TMEM178B: variants seen among roughly 807,000 people sequenced by gnomAD.
TMEM178B encodes the protein transmembrane protein 178B.
TMEM178B carries 5 observed loss-of-function variants against 31.0 expected under a neutral mutation model. The observed-to-expected ratio is 0.16, with a 90% CI of 0.08 to 0.34. TMEM178B has a LOEUF of 0.34. Ranked by LOEUF, TMEM178B falls within the 10% of genes least tolerant of loss-of-function variation. The pLI is 1.00. For synonymous variants in TMEM178B, 164 were observed against 164.0 expected, an observed-to-expected ratio of 1.00 and a Z score of 0.00; for missense variants, 275 against 400.3, an observed-to-expected ratio of 0.69 and a Z score of 2.67.
At chr7:141,295,136 C>T (rs887876731) in intron 2 of TMEM178B, among the ~76,000 whole-genome samples, 3 of 152,178 alleles carry the variant, frequency 2.0e-5, no homozygotes, top group Non-Finnish European at 4.4e-5. Flanking sequence ...TGAAATATGA[C>T]AGATGTCTGC....
chr7:141,312,118 A>G lies in TMEM178B; in HGVS notation c.496+99414A>G, dbSNP rs181897521. On this transcript the variant is annotated intron_variant, in intron 2 of 3. Transcript: ENST00000565468. ...ATTCTCACATTTCCCATTACCTCCCATATGCTGTGGACTCCACTCCTTAAT... is the reference window on the plus strand; with the variant it reads ...ATTCTCACATTTCCCATTACCTCCCGTATGCTGTGGACTCCACTCCTTAAT... Among the ~76,000 whole-genome samples, 133 of 152,294 alleles carry G rather than the reference A, an allele frequency of 8.7e-4. 1 individual carries two copies. In the Middle Eastern group the frequency reaches 0.01, roughly 12 times the overall value.
At position 141,476,372 on chromosome 7, in the gene TMEM178B, A is replaced by G. The variant is rs1442015870; in HGVS notation, c.*5586A>G. On this transcript the variant is annotated 3_prime_UTR_variant, in exon 4 of 4. Coordinates refer to ENST00000565468, the MANE Select transcript of TMEM178B (RefSeq NM_001195278.2). Reference sequence around the variant, plus strand: ...AGAGGTGACAGAATGAGTAAACCATATGGGGCAAATAGCATATATGAGCTA... The same window carrying G: ...AGAGGTGACAGAATGAGTAAACCATGTGGGGCAAATAGCATATATGAGCTA... The G allele has an allele frequency of 1.3e-5, 2 of 152,136 alleles. No homozygotes were observed. Among genetic ancestry groups the G allele is most frequent in the African/African-American group, 4.8e-5 (2 of 41,436 alleles). The allele number at this position is 152,136 out of a possible 1,614,324, so 9.4% of individuals were successfully genotyped here.
At chr7:141,451,080 T>C (rs1801853993) in intron 3 of TMEM178B, among the ~76,000 whole-genome samples, 1 of 151,998 alleles carries the variant, frequency 6.6e-6, no homozygotes. Context: ...CAGGCAGATG[T>C]TATTTGGGGT....
chr7:141,288,748 C>G (rs980318393), intron 2 of TMEM178B, among the ~76,000 whole-genome samples: 2 of 152,218 alleles, frequency 1.3e-5, no homozygotes, highest in Non-Finnish European at 2.9e-5. Flanking sequence ...GCAGCGAATA[C>G]CAGGCTCTAC....
At chr7:141,459,452 A>G (rs1455545739) in intron 3 of TMEM178B, among the ~76,000 whole-genome samples, 1 of 152,214 alleles carries the variant, frequency 6.6e-6, no homozygotes, top group Non-Finnish European at 1.5e-5. Context: ...TTCTTGAGAA[A>G]TTCACAGGCT....
intron 2 of TMEM178B, among the ~76,000 whole-genome samples, chr7:141,424,487 C>A (rs1220971465): frequency 1.3e-5 from 2 of 152,188 alleles, no homozygotes; most frequent in Non-Finnish European, 2.9e-5. Flanking sequence ...TTATGAGACG[C>A]AATCGGTGGC....
chr7:141,352,682 G>C (rs1799754808), intron 2 of TMEM178B: 1 of 152,724 alleles, frequency 6.5e-6, no homozygotes, highest in Non-Finnish European at 1.5e-5. Context: ...GCCCGGCTGG[G>C]AGTCCGCTAT....
chr7:141,075,999 A>C (rs1272423554), intron 1 of TMEM178B, among the ~76,000 whole-genome samples: 2 of 152,216 alleles, frequency 1.3e-5, no homozygotes, highest in East Asian at 3.8e-4. Context: ...AGGTGGCTTC[A>C]GAGACAGAAT....
intron 2 of TMEM178B, chr7:141,414,648 A>G (rs898697652): frequency 6.6e-6 from 1 of 152,628 alleles, no homozygotes; most frequent in Admixed American, 6.5e-5. Flanking sequence ...AAATGTTTAT[A>G]TAGAAAGCTA....
chr7:141,323,468 G>T (rs1799136194), intron 2 of TMEM178B, among the ~76,000 whole-genome samples: 1 of 152,148 alleles, frequency 6.6e-6, no homozygotes, highest in South Asian at 2.1e-4. Flanking sequence ...CCACATTAGT[G>T]AGTAAATTCT....
At position 141,478,842 on chromosome 7, in the gene TMEM178B, G is replaced by C. The variant is rs910289464; in HGVS notation, c.*8056G>C. The C allele has an allele frequency of 6.6e-6, 1 of 152,310 alleles. No homozygotes were observed. Among genetic ancestry groups the C allele is most frequent in the African/African-American group, 2.4e-5 (1 of 41,368 alleles). 9.4% of individuals were successfully genotyped at this position (152,310 alleles called of 1,614,324 possible). Reference sequence around the variant, plus strand: ...TAGGTTCTTCATTAGGAGACTGATGGGGGGGGTCCTTCCTGGTGGGTCACT... The same window carrying C: ...TAGGTTCTTCATTAGGAGACTGATGCGGGGGGTCCTTCCTGGTGGGTCACT... On this transcript the variant is annotated 3_prime_UTR_variant, in exon 4 of 4. Coordinates refer to ENST00000565468, the MANE Select transcript of TMEM178B (RefSeq NM_001195278.2).
intron 2 of TMEM178B, among the ~76,000 whole-genome samples, chr7:141,367,090 GAGGGGTGGGGGGGGC>G (rs2116558138): frequency 6.7e-6 from 1 of 150,082 alleles, no homozygotes; most frequent in Non-Finnish European, 1.5e-5. Context: ...CAGCAGGGGG[GAGGGGTGGGGGGGGC>G]AGGGGTGGGT....
chr7:141,430,546 C>T (rs1181735), intron 2 of TMEM178B, among the ~76,000 whole-genome samples: 1 of 152,014 alleles, frequency 6.6e-6, no homozygotes, highest in East Asian at 1.9e-4. Context: ...TCCCAGCACC[C>T]TGGCTGCGGA....
intron 1 of TMEM178B, among the ~76,000 whole-genome samples, chr7:141,206,601 G>A (rs185532489): frequency 5.9e-5 from 9 of 152,258 alleles, no homozygotes; most frequent in Admixed American, 4.6e-4. Flanking sequence ...GCCAAAGGCC[G>A]CATCATCTCT....
intron 2 of TMEM178B, among the ~76,000 whole-genome samples, chr7:141,277,379 G>A (rs1444021018): frequency 6.6e-6 from 1 of 151,926 alleles, no homozygotes. Flanking sequence ...GCCTGCATAG[G>A]GTTGGGATCA....
At chr7:141,275,107 G>A (rs1798245348) in intron 2 of TMEM178B, among the ~76,000 whole-genome samples, 1 of 152,162 alleles carries the variant, frequency 6.6e-6, no homozygotes, top group African/African-American at 2.4e-5. Flanking sequence ...CTAAGAGAGT[G>A]GAAAGACAAG....
chr7:141,099,647 T>C (rs1586767548), intron 1 of TMEM178B, among the ~76,000 whole-genome samples: 1 of 152,202 alleles, frequency 6.6e-6, no homozygotes, highest in Non-Finnish European at 1.5e-5. Flanking sequence ...CTATAGCAAA[T>C]CACAGTTTCT....
chr7:141,074,598 G>T lies in TMEM178B; in HGVS notation c.288G>T (p.Glu96Asp). ...TGTTCGCCATGAGCCCCGCGGACGA[G>T]TGCAGCCGGCAGTACAACTCCACCA... Reference protein sequence around the residue: ...RQLFAMSPADECSRQYNSTNM... With the variant: ...RQLFAMSPADDCSRQYNSTNM... The change falls in exon 1 of 4, where the codon GAG becomes GAT. Residue 96 changes from glutamate to aspartate, a missense_variant. Glu to Asp is a conservative substitution (Grantham distance 45). Transcript: ENST00000565468. The surrounding 1 kb of genome is among the most constrained non-coding windows in gnomAD (Gnocchi z 5.1). 1 of 1,535,886 alleles carries T rather than the reference G, an allele frequency of 6.5e-7. No individual in the cohort carries two copies. Among genetic ancestry groups the T allele is most frequent in the Non-Finnish European group, 8.7e-7 (1 of 1,146,738 alleles).
At chr7:141,205,601 G>A (rs1796950225) in intron 1 of TMEM178B, among the ~76,000 whole-genome samples, 1 of 152,168 alleles carries the variant, frequency 6.6e-6, no homozygotes, top group Admixed American at 6.5e-5. Flanking sequence ...GTGTCAAGGA[G>A]AACAATATTT....
Sources: gnomAD v4.1 joint callset for allele counts (sites outside exome capture counted in the v4.1 genomes callset) on GRCh38, gnomAD v4.1.1 for gene constraint, Gnocchi (gnomAD v3.1) non-coding constraint, MANE v1.5 for transcripts, NCBI Gene and HGNC (gene_info 2026-07-23, HGNC 2026-07-21) for gene names.